Variants in CACNB2 observed in about 807,000 individuals in gnomAD.
CACNB2 encodes the protein calcium voltage-gated channel auxiliary subunit beta 2, also known as voltage-dependent L-type calcium channel subunit beta-2.
Under a neutral mutation model 73.3 loss-of-function variants are expected in CACNB2, and 42 were observed. The ratio of observed to expected loss-of-function variants is 0.57; its 90% CI spans 0.45 to 0.74. CACNB2 has a LOEUF of 0.74. Ranked by LOEUF, CACNB2 falls within the 30% of genes least tolerant of loss-of-function variation. The pLI is 0.00. For synonymous variants in CACNB2, 348 were observed against 310.3 expected (o/e 1.12, Z -1.28); for missense variants, 940 against 853.0 (o/e 1.10, Z -1.27).
In CACNB2 at chr10:18,517,990, A is replaced by T. The variant is rs539366027; in HGVS notation, c.805-346A>T. Among the ~76,000 whole-genome samples the T allele has an allele frequency of 2.0e-5, 3 of 152,372 alleles. No homozygotes were observed. The South Asian group carries it at 6.2e-4, about 32-fold the overall frequency. On this transcript the variant is annotated intron_variant, in intron 7 of 13. Transcript: ENST00000324631. ...TCAAATGCAGCCGAAAAGCAATATT[A>T]ACTTCTAGTCAAGCCTAAAGCACCT...
At chr10:18,245,053 C>T (rs2131525372) in intron 2 of CACNB2, among the ~76,000 whole-genome samples, 1 of 150,262 alleles carries the variant, frequency 6.7e-6, no homozygotes, top group East Asian at 2.0e-4. Flanking sequence ...CAAACTCTTC[C>T]CTGAAGGCTC....
intron 6 of CACNB2, among the ~76,000 whole-genome samples, chr10:18,508,489 G>T (rs1164210245): frequency 6.6e-6 from 1 of 152,142 alleles, no homozygotes; most frequent in African/African-American, 2.4e-5. Flanking sequence ...GATTTCTAGG[G>T]ACTGCTACTA....
intron 2 of CACNB2, among the ~76,000 whole-genome samples, chr10:18,278,813 C>T (rs992416289): frequency 1.3e-5 from 2 of 151,772 alleles, no homozygotes; most frequent in Non-Finnish European, 1.5e-5. Context: ...TCAAGGAGTT[C>T]GAGACCAGCC....
intron 2 of CACNB2, among the ~76,000 whole-genome samples, chr10:18,230,412 A>G (rs1258445215): frequency 6.6e-6 from 1 of 152,178 alleles, no homozygotes. Flanking sequence ...ACACATGAAT[A>G]TAAATTCATA....
intron 2 of CACNB2, among the ~76,000 whole-genome samples, chr10:18,337,178 G>T (rs2041040554): frequency 6.6e-6 from 1 of 151,800 alleles, no homozygotes; most frequent in Non-Finnish European, 1.5e-5. Flanking sequence ...TGCCCAGACT[G>T]GTGTGTAGTA....
intron 10 of CACNB2, among the ~76,000 whole-genome samples, chr10:18,529,174 C>G (rs1325228537): frequency 1.3e-5 from 2 of 152,166 alleles, no homozygotes; most frequent in Admixed American, 6.5e-5. Context: ...ACTGAATTAA[C>G]AAAGTCAAGT....
At chr10:18,429,825 A>T (rs1286918265) in intron 3 of CACNB2, among the ~76,000 whole-genome samples, 1 of 151,170 alleles carries the variant, frequency 6.6e-6, no homozygotes, top group Non-Finnish European at 1.5e-5. Flanking sequence ...AAAAAAAAAA[A>T]ACAAATTAAC....
At chr10:18,230,247 TAAATC>T (rs1279927219) in intron 2 of CACNB2, among the ~76,000 whole-genome samples, 2 of 152,188 alleles carry the variant, frequency 1.3e-5, no homozygotes, top group Non-Finnish European at 2.9e-5. Flanking sequence ...ATGTCAGAAA[TAAATC>T]AAATCAACAG....
At chr10:18,464,968 A>T (rs2047797088) in intron 3 of CACNB2, among the ~76,000 whole-genome samples, 1 of 152,228 alleles carries the variant, frequency 6.6e-6, no homozygotes, top group Non-Finnish European at 1.5e-5. Context: ...TGAACAGGTG[A>T]CTTCGTCTTG....
chr10:18,499,805 T>TACAAAAAAAA (rs756799139), intron 4 of CACNB2, among the ~76,000 whole-genome samples: 1 of 117,818 alleles, frequency 8.5e-6, no homozygotes, highest in African/African-American at 3.3e-5. Context: ...ACCCCATCTC[T>TACAAAAAAAA]AAAAAAAAAA....
At chr10:18,140,878 CTCCT>C in intron 1 of CACNB2, 22 bp downstream of exon 1, 1 of 1,582,362 alleles carries the variant, frequency 6.3e-7, no homozygotes, top group Non-Finnish European at 8.6e-7. Flanking sequence ...GCGGCGCCTT[CTCCT>C]TCCTTTGTGA....
intron 3 of CACNB2, among the ~76,000 whole-genome samples, chr10:18,492,940 G>A (rs1223213351): frequency 6.6e-6 from 1 of 152,096 alleles, no homozygotes; most frequent in East Asian, 1.9e-4. Flanking sequence ...CTATTAATAA[G>A]CACTTACTGT....
intron 6 of CACNB2, 45 bp from the exon 7 acceptor site, chr10:18,514,191 T>C: frequency 6.2e-7 from 1 of 1,606,372 alleles, no homozygotes; most frequent in East Asian, 2.2e-5. Flanking sequence ...TTATAACCTA[T>C]TTTTCCTCTC....
chr10:18,323,453 TA>T (rs1177142136), intron 2 of CACNB2, among the ~76,000 whole-genome samples: 1 of 152,174 alleles, frequency 6.6e-6, no homozygotes, highest in Non-Finnish European at 1.5e-5. Flanking sequence ...TATTCCATTT[TA>T]GAACCTATAT....
intron 2 of CACNB2, among the ~76,000 whole-genome samples, chr10:18,204,942 C>T (rs1162864478): frequency 6.9e-6 from 1 of 144,728 alleles, no homozygotes; most frequent in Admixed American, 7.2e-5. Context: ...TGGTAAAATG[C>T]TTCACTTCTT....
At chr10:18,365,973 C>T (rs1478078685) in intron 2 of CACNB2, among the ~76,000 whole-genome samples, 3 of 152,234 alleles carry the variant, frequency 2.0e-5, no homozygotes, top group Non-Finnish European at 2.9e-5. Context: ...TTCTCACAAA[C>T]ACTCACATTC....
chr10:18,475,503 G>T (rs1021207459), intron 3 of CACNB2, among the ~76,000 whole-genome samples: 52 of 152,284 alleles, frequency 3.4e-4, no homozygotes, highest in African/African-American at 1.1e-3. Flanking sequence ...CAGGTGTGCA[G>T]ATCAGATAAG....
intron 3 of CACNB2, among the ~76,000 whole-genome samples, chr10:18,425,262 G>A (rs1254285117): frequency 1.3e-5 from 2 of 151,990 alleles, no homozygotes; most frequent in African/African-American, 4.8e-5. Context: ...TTGCTGAAAG[G>A]GTTTAATTTG....
At chr10:18,282,921 C>T (rs1246783577) in intron 2 of CACNB2, among the ~76,000 whole-genome samples, 1 of 152,158 alleles carries the variant, frequency 6.6e-6, no homozygotes, top group Non-Finnish European at 1.5e-5. Flanking sequence ...ATCTACCCAT[C>T]TGACAAAGGG....
Sources: gnomAD v4.1 joint callset for allele counts (sites outside exome capture counted in the v4.1 genomes callset) on GRCh38, gnomAD v4.1.1 for gene constraint, MANE v1.5 for transcripts, NCBI Gene and HGNC (gene_info 2026-07-23, HGNC 2026-07-21) for gene names.